The following ARMH1 variants were observed in gnomAD, a reference collection of about 807,000 sequenced individuals.
ARMH1 encodes the protein armadillo-like helical domain containing protein 1.
A neutral mutation model predicts 50.2 loss-of-function variants in ARMH1; 34 were observed. The ratio of observed to expected loss-of-function variants is 0.68; its 90% CI spans 0.51 to 0.90. The LOEUF is 0.90. Ranked by LOEUF, ARMH1 falls within the 40% of genes least tolerant of loss-of-function variation. ARMH1 has a pLI of 0.00. For missense variants in ARMH1, 538 were observed against 553.9 expected (o/e 0.97, Z 0.29); for synonymous variants, 221 against 224.2 (o/e 0.99, Z 0.13).
rs1647872318 is a variant in ARMH1 at position 44,724,247 on chromosome 1, A to G, written c.847+3A>G. 12 of 1,551,682 alleles carry G rather than the reference A, an allele frequency of 7.7e-6. No individual in the cohort carries two copies. The highest frequency in any genetic ancestry group is 1.0e-5 in the Non-Finnish European group (12 of 1,146,978). ...ACTGCAGGCCAAGATCCTCAGTGGT[A>G]AGGACCTGCTCAAATGGGGCTGCCT... On this transcript the variant is annotated splice_donor_region_variant and intron_variant, in intron 7 of 11. Coordinates refer to ENST00000535358, the MANE Select transcript of ARMH1 (RefSeq NM_001145636.2). The surrounding 1 kb of genome is among the most constrained non-coding windows in gnomAD (Gnocchi z 6.4).
rs533011619 is a variant in ARMH1, at chr1:44,683,208, G to A, written c.-22-6468G>A. On this transcript the variant is annotated intron_variant, in intron 1 of 11. Transcript: ENST00000535358. The surrounding 1 kb of genome is among the most constrained non-coding windows in gnomAD (Gnocchi z 4.2). Reference sequence around the variant, plus strand: ...GCTGACTAGGAGGGTGGTGACCCAAGCACTGAAATAGGACCAACACAGGGC... The same window carrying A: ...GCTGACTAGGAGGGTGGTGACCCAAACACTGAAATAGGACCAACACAGGGC... Among the ~76,000 whole-genome samples, 26 of 152,324 alleles carry A rather than the reference G, an allele frequency of 1.7e-4. No homozygotes were observed. The highest frequency in any genetic ancestry group is 6.3e-4 in the African/African-American group (26 of 41,572).
intron 3 of ARMH1, 59 bp from the exon 4 acceptor site, chr1:44,698,004 G>C (rs1645886592): frequency 7.2e-7 from 1 of 1,386,250 alleles, no homozygotes; most frequent in Non-Finnish European, 9.7e-7. Context: ...CTCTTTGAAA[G>C]CTCAGTGCAA....
At position 44,691,032 on chromosome 1, in the gene ARMH1, G is replaced by A. The variant is rs374172894; in HGVS notation, c.206+1129G>A. Among the ~76,000 whole-genome samples the A allele has an allele frequency of 2.0e-5, 3 of 151,766 alleles. No individual in the cohort carries two copies. In the East Asian group the frequency reaches 5.9e-4, roughly 30 times the overall value. On this transcript the variant is annotated intron_variant, in intron 2 of 11. Transcript: ENST00000535358. ...CCCAACACTTTGGGAGGCCGAGGTG[G>A]GCGGATCACCTGAGGTCAGGAGTTT...
Position 44,690,998 on chromosome 1 carries a change from G to A in ARMH1, c.206+1095G>A, listed in dbSNP as rs1423437931. Among the ~76,000 whole-genome samples, 4 of 151,776 alleles carry A rather than the reference G, an allele frequency of 2.6e-5. No individual in the cohort carries two copies. In the East Asian group the frequency reaches 5.9e-4, roughly 22 times the overall value. On this transcript the variant is annotated intron_variant, in intron 2 of 11. Coordinates refer to ENST00000535358, the MANE Select transcript of ARMH1 (RefSeq NM_001145636.2). ...TGAGGGGCGGGGCGCGGTGACTCAC[G>A]CCTGTAATCCCAACACTTTGGGAGG...
At chr1:44,705,094 C>G in intron 6 of ARMH1, among the ~76,000 whole-genome samples, 1 of 151,736 alleles carries the variant, frequency 6.6e-6, no homozygotes, top group African/African-American at 2.4e-5. Context: ...CTCGGCCTCC[C>G]AAAGTGCTGG....
At chr1:44,701,286 G>T (rs1001637157) in intron 5 of ARMH1, among the ~76,000 whole-genome samples, 167 bp downstream of exon 5, 1 of 152,192 alleles carries the variant, frequency 6.6e-6, no homozygotes, top group Non-Finnish European at 1.5e-5. Context: ...AGGGCAGAGA[G>T]TTCATGCCTC....
At chr1:44,685,340 G>T (rs1268418981) in intron 1 of ARMH1, among the ~76,000 whole-genome samples, 1 of 150,788 alleles carries the variant, frequency 6.6e-6, no homozygotes, top group Non-Finnish European at 1.5e-5. Context: ...ACAGGGTCTT[G>T]CTGTGTTGCC....
intron 1 of ARMH1, among the ~76,000 whole-genome samples, chr1:44,686,202 C>T (rs1645466871): frequency 6.6e-6 from 1 of 152,096 alleles, no homozygotes; most frequent in Non-Finnish European, 1.5e-5. Context: ...TAATCAGTTA[C>T]AGATTGAACA....
At chr1:44,700,409 A>G (rs2148660872) in intron 4 of ARMH1, among the ~76,000 whole-genome samples, 1 of 152,252 alleles carries the variant, frequency 6.6e-6, no homozygotes, top group Non-Finnish European at 1.5e-5. Context: ...CGAGGTCAGG[A>G]GATAAAGACC....
At chr1:44,707,627 G>T (rs191150247) in intron 6 of ARMH1, among the ~76,000 whole-genome samples, 4 of 152,220 alleles carry the variant, frequency 2.6e-5, no homozygotes, top group African/African-American at 4.8e-5. Context: ...TCCCTATGTT[G>T]CCCAGGCTGC....
At chr1:44,690,824 A>G (rs1031656752) in intron 2 of ARMH1, among the ~76,000 whole-genome samples, 4 of 152,048 alleles carry the variant, frequency 2.6e-5, no homozygotes, top group African/African-American at 9.7e-5. Context: ...GACTACAGCC[A>G]TGTACCACCA....
intron 6 of ARMH1, among the ~76,000 whole-genome samples, chr1:44,720,124 G>A (rs1647031439): frequency 1.3e-5 from 2 of 150,448 alleles, no homozygotes; most frequent in South Asian, 4.2e-4. Context: ...TTGAATCCAT[G>A]AGGCAGAGGT....
In ARMH1 at chr1:44,724,796, A is replaced by C. The variant is rs1246334262; in HGVS notation, c.1085A>C (p.His362Pro). The change falls in exon 10 of 12, where the codon CAC (histidine) becomes CCC (proline). Residue 362 changes from histidine to proline, a missense_variant. Physicochemically the swap from His to Pro is moderately conservative, Grantham distance 77. Transcript: ENST00000535358. This position sits in a 1 kb window ranked among gnomAD's most constrained non-coding sequence, Gnocchi z 6.4. Reference protein sequence around the residue: ...FVQMFPLVAEHVRKCMGEELY... With the variant: ...FVQMFPLVAEPVRKCMGEELY... ...CAGATGTTCCCCTTGGTGGCGGAGCACGTGCGCAAGTGCATGGGGGAGGAA... is the reference window on the plus strand; with the variant it reads ...CAGATGTTCCCCTTGGTGGCGGAGCCCGTGCGCAAGTGCATGGGGGAGGAA... 2 of 1,543,712 alleles carry C rather than the reference A, an allele frequency of 1.3e-6. No homozygotes were observed. Among genetic ancestry groups the C allele is most frequent in the South Asian group, 2.4e-5 (2 of 84,006 alleles).
intron 6 of ARMH1, among the ~76,000 whole-genome samples, chr1:44,707,862 C>G (rs1036366154): frequency 7.9e-5 from 12 of 152,226 alleles, no homozygotes; most frequent in Non-Finnish European, 1.5e-4. Context: ...GAACGTGACT[C>G]TGTGACTGCA....
rs1012127353 is a variant in ARMH1, at chr1:44,683,240, C to A, written c.-22-6436C>A. On this transcript the variant is annotated intron_variant, in intron 1 of 11. Coordinates refer to ENST00000535358, the MANE Select transcript of ARMH1 (RefSeq NM_001145636.2). The surrounding 1 kb of genome is among the most constrained non-coding windows in gnomAD (Gnocchi z 4.2). ...AATAGGACCAACACAGGGCAAGGGG[C>A]AGGTGTGAGTTGATGAGTTCAGTTT... 6.6e-6 allele frequency among the ~76,000 whole-genome samples: 1 copy of A among 152,146 alleles called. No homozygotes were observed. The highest frequency in any genetic ancestry group is 2.4e-5 in the African/African-American group (1 of 41,426).
intron 1 of ARMH1, among the ~76,000 whole-genome samples, chr1:44,688,797 GA>G (rs1480419784): frequency 6.6e-6 from 1 of 152,052 alleles, no homozygotes; most frequent in Non-Finnish European, 1.5e-5. Context: ...TCCCCCCACT[GA>G]AAATACTCTC....
chr1:44,722,139 G>A (rs1257571532), intron 6 of ARMH1, among the ~76,000 whole-genome samples: 1 of 152,210 alleles, frequency 6.6e-6, no homozygotes, highest in Admixed American at 6.5e-5. Flanking sequence ...TGAGCTGAGC[G>A]CCGGAACAAG....
chr1:44,700,112 G>T (rs545772857), intron 4 of ARMH1, among the ~76,000 whole-genome samples: 3 of 152,042 alleles, frequency 2.0e-5, no homozygotes, highest in African/African-American at 4.8e-5. Context: ...TTACAGGCGT[G>T]AGCCACAACG....
intron 6 of ARMH1, among the ~76,000 whole-genome samples, chr1:44,723,089 G>A (rs1339884776): frequency 2.1e-5 from 3 of 144,394 alleles, no homozygotes; most frequent in Non-Finnish European, 3.0e-5. Context: ...AAAAAAAAAA[G>A]GTAGCATTTA....
Sources: allele counts gnomAD v4.1 joint callset (sites outside exome capture counted in the v4.1 genomes callset), GRCh38; gene constraint gnomAD v4.1.1; non-coding constraint Gnocchi (gnomAD v3.1); transcripts MANE v1.5; gene names NCBI Gene and HGNC (gene_info 2026-07-23, HGNC 2026-07-21).